The following TANC2 variants were observed in gnomAD, a reference collection of about 807,000 sequenced individuals.
TANC2 encodes the protein protein TANC2.
TANC2 carries 26 observed loss-of-function variants against 210.5 expected under a neutral mutation model. The observed-to-expected ratio is 0.12, with a 90% CI of 0.09 to 0.17. The LOEUF is 0.17. TANC2 is among the 10% of genes least tolerant of loss of function. TANC2 has a pLI of 1.00. For missense variants in TANC2, 2,129 were observed against 2,608.9 expected, an observed-to-expected ratio of 0.82 and a Z score of 4.01; for synonymous variants, 931 against 967.1, an observed-to-expected ratio of 0.96 and a Z score of 0.69.
chr17:62,970,475 G>A (rs2031629535), intron 1 of TANC2, among the ~76,000 whole-genome samples: 2 of 152,010 alleles, frequency 1.3e-5, no homozygotes, highest in South Asian at 4.1e-4. Context: ...ACTGTCCCAC[G>A]CTAGCTCTGT....
At chr17:63,160,455 G>A (rs912685210) in intron 5 of TANC2, among the ~76,000 whole-genome samples, 3 of 152,120 alleles carry the variant, frequency 2.0e-5, no homozygotes, top group Non-Finnish European at 2.9e-5. Flanking sequence ...TTAAAATTAC[G>A]TTGTATGTGT....
intron 4 of TANC2, among the ~76,000 whole-genome samples, chr17:63,133,139 A>G (rs2038976521): frequency 6.6e-6 from 1 of 151,832 alleles, no homozygotes; most frequent in African/African-American, 2.4e-5. Flanking sequence ...ACGCCTGGCT[A>G]ATTTTTGTAT....
At chr17:63,151,232 CTG>C (rs1050744261) in intron 4 of TANC2, 36 bp from the exon 5 acceptor site, 1 of 903,124 alleles carries the variant, frequency 1.1e-6, no homozygotes, top group Non-Finnish European at 1.3e-6. Context: ...CTTGCTCTCT[CTG>C]TCTCTTGCTT....
rs1228702305 is a variant in TANC2 at position 63,367,309 on chromosome 17, C to A, written c.2582+11919C>A. On this transcript the variant is annotated intron_variant, in intron 14 of 27. Coordinates refer to ENST00000689528, the Ensembl canonical transcript of TANC2. ...TATACTCTAAAGCAAGCTTGTCCAACCCACGGCCCATGGGCCACATGTGTC... is the reference window on the plus strand; with the variant it reads ...TATACTCTAAAGCAAGCTTGTCCAAACCACGGCCCATGGGCCACATGTGTC... Among the ~76,000 whole-genome samples the A allele has an allele frequency of 2.6e-5, 4 of 152,214 alleles. No homozygotes were observed. The East Asian group carries it at 7.7e-4, about 29-fold the overall frequency.
chr17:63,086,527 G>A (rs1222176534), intron 3 of TANC2, among the ~76,000 whole-genome samples: 1 of 152,018 alleles, frequency 6.6e-6, no homozygotes, highest in African/African-American at 2.4e-5. Context: ...TTTGATGTAC[G>A]TTTTCTTATT....
At chr17:63,179,576 C>G (rs903224082) in intron 5 of TANC2, among the ~76,000 whole-genome samples, 5 of 152,172 alleles carry the variant, frequency 3.3e-5, no homozygotes, top group Non-Finnish European at 5.9e-5. Flanking sequence ...AAATAAACTT[C>G]AAACACTGTT....
At chr17:63,237,642 G>A (rs2042657266) in intron 7 of TANC2, among the ~76,000 whole-genome samples, 172 bp from the exon 8 acceptor site, 1 of 152,054 alleles carries the variant, frequency 6.6e-6, no homozygotes, top group Non-Finnish European at 1.5e-5. Flanking sequence ...TTTGCATATG[G>A]TGAGAGATAG....
intron 10 of TANC2, 33 bp downstream of exon 10, chr17:63,314,702 C>A: frequency 6.2e-7 from 1 of 1,601,060 alleles, no homozygotes; most frequent in South Asian, 1.1e-5. Context: ...CTCCCTGTTT[C>A]ATTGGCGCTG....
At chr17:63,319,683 T>TA (rs2045433539) in intron 11 of TANC2, among the ~76,000 whole-genome samples, 1 of 152,240 alleles carries the variant, frequency 6.6e-6, no homozygotes, top group Non-Finnish European at 1.5e-5. Context: ...CATCAGGGTA[T>TA]AAGTAATCAA....
intron 8 of TANC2, among the ~76,000 whole-genome samples, chr17:63,265,595 G>A (rs1389087464): frequency 6.6e-6 from 1 of 152,186 alleles, no homozygotes; most frequent in Non-Finnish European, 1.5e-5. Context: ...AAGGAAGGGA[G>A]ATGATGCTTG....
At chr17:63,280,899 A>C (rs1238647789) in intron 9 of TANC2, among the ~76,000 whole-genome samples, 1 of 152,136 alleles carries the variant, frequency 6.6e-6, no homozygotes, top group Admixed American at 6.6e-5. Context: ...TTCCTCTCAG[A>C]GTTAATGAGG....
chr17:63,295,972 A>G (rs988659399), intron 9 of TANC2, among the ~76,000 whole-genome samples: 2 of 151,968 alleles, frequency 1.3e-5, no homozygotes, highest in African/African-American at 2.4e-5. Flanking sequence ...TGATCTTTCT[A>G]TTTCCTGTTT....
chr17:62,990,843 A>C (rs911949378), intron 1 of TANC2, among the ~76,000 whole-genome samples: 4 of 152,092 alleles, frequency 2.6e-5, no homozygotes, highest in Admixed American at 6.5e-5. Flanking sequence ...TCTTTCTGAT[A>C]ATTTTTATGG....
chr17:62,999,304 G>A (rs879114120), intron 1 of TANC2, among the ~76,000 whole-genome samples: 2 of 152,208 alleles, frequency 1.3e-5, no homozygotes, highest in Non-Finnish European at 2.9e-5. Flanking sequence ...CCAGAAGCAG[G>A]TGGTGGAGCT....
chr17:63,106,953 C>T (rs190191498), intron 4 of TANC2, among the ~76,000 whole-genome samples: 3 of 151,418 alleles, frequency 2.0e-5, no homozygotes, highest in Non-Finnish European at 2.9e-5. Flanking sequence ...AATATAGTAG[C>T]CTTGTCTTCC....
intron 5 of TANC2, among the ~76,000 whole-genome samples, chr17:63,181,124 C>G (rs2040770856): frequency 6.6e-6 from 1 of 150,914 alleles, no homozygotes; most frequent in Non-Finnish European, 1.5e-5. Flanking sequence ...TGCAATGTCA[C>G]AGAGCCGCCT....
intron 17 of TANC2, among the ~76,000 whole-genome samples, chr17:63,394,474 G>A (rs967489738): frequency 6.6e-6 from 1 of 152,086 alleles, no homozygotes; most frequent in Admixed American, 6.5e-5. Context: ...TTATCCATTC[G>A]CTTAGTTTTT....
chr17:63,139,316 A>C (rs1164304397), intron 4 of TANC2, among the ~76,000 whole-genome samples: 1 of 152,200 alleles, frequency 6.6e-6, no homozygotes, highest in African/African-American at 2.4e-5. Flanking sequence ...TGGAGAATTA[A>C]GTCAAGTTGC....
At position 63,337,072 on chromosome 17, in the gene TANC2, A is replaced by T. The variant is rs187678119; in HGVS notation, c.1576-3029A>T. Reference sequence around the variant, plus strand: ...ATTAATAGAAAATTTGGAGGAAGTAACAGATGTTTTTGACAGATTGTATGT... The same window carrying T: ...ATTAATAGAAAATTTGGAGGAAGTATCAGATGTTTTTGACAGATTGTATGT... On this transcript the variant is annotated intron_variant, in intron 11 of 27. Coordinates refer to ENST00000689528, the Ensembl canonical transcript of TANC2. Among the ~76,000 whole-genome samples, 178 of 152,318 alleles carry T rather than the reference A, an allele frequency of 1.2e-3. 1 individual carries two copies. The highest frequency in any genetic ancestry group is 4.1e-3 in the African/African-American group (171 of 41,586).
Sources: gnomAD v4.1 joint callset for allele counts (sites outside exome capture counted in the v4.1 genomes callset) on GRCh38, gnomAD v4.1.1 for gene constraint, MANE v1.5 for transcripts, NCBI Gene and HGNC (gene_info 2026-07-23, HGNC 2026-07-21) for gene names.